Variants in ITFG1 observed in about 807,000 individuals in gnomAD.
ITFG1 encodes the protein integrin alpha FG-GAP repeat containing 1.
Under a neutral mutation model 81.8 loss-of-function variants are expected in ITFG1, and 34 were observed. That is an observed-to-expected ratio of 0.42 (90% CI 0.32 to 0.55). ITFG1 has a LOEUF of 0.55. Ranked by LOEUF, ITFG1 falls within the 20% of genes least tolerant of loss-of-function variation. The pLI is 0.17. For synonymous variants in ITFG1, 285 were observed against 270.6 expected (o/e 1.05, Z -0.52); for missense variants, 672 against 755.4 (o/e 0.89, Z 1.29).
At chr16:47,457,498 T>C (rs1399321134) in intron 2 of ITFG1, among the ~76,000 whole-genome samples, 1 of 152,098 alleles carries the variant, frequency 6.6e-6, no homozygotes, top group East Asian at 1.9e-4. Context: ...TTAAAAATGA[T>C]AATTCAAGAA....
intron 6 of ITFG1, among the ~76,000 whole-genome samples, chr16:47,398,635 A>G (rs901791051): frequency 8.5e-5 from 13 of 152,238 alleles, no homozygotes; most frequent in Non-Finnish European, 1.8e-4. Context: ...AAAATAAATT[A>G]GACACCAAAC....
intron 14 of ITFG1, among the ~76,000 whole-genome samples, chr16:47,175,533 C>T (rs1965014174): frequency 1.3e-5 from 2 of 152,070 alleles, no homozygotes; most frequent in Non-Finnish European, 2.9e-5. Context: ...TTATCATCAT[C>T]CAAGATTTTG....
At chr16:47,273,867 C>A (rs940185692) in intron 10 of ITFG1, among the ~76,000 whole-genome samples, 1 of 152,006 alleles carries the variant, frequency 6.6e-6, no homozygotes, top group Non-Finnish European at 1.5e-5. Context: ...GTGGTGTGAT[C>A]TTGGCTCACT....
intron 5 of ITFG1, among the ~76,000 whole-genome samples, chr16:47,438,661 C>A (rs759633816): frequency 2.0e-5 from 3 of 151,850 alleles, no homozygotes; most frequent in Admixed American, 2.0e-4. Context: ...ACAGAATGGA[C>A]ATCCACACAA....
intron 8 of ITFG1, among the ~76,000 whole-genome samples, chr16:47,320,725 C>T (rs1436778628): frequency 6.6e-6 from 1 of 152,012 alleles, no homozygotes; most frequent in African/African-American, 2.4e-5. Flanking sequence ...GTCCATTATC[C>T]CTATCTAGCC....
chr16:47,395,747 G>A (rs903822102), intron 6 of ITFG1, among the ~76,000 whole-genome samples: 2 of 152,178 alleles, frequency 1.3e-5, no homozygotes, highest in Non-Finnish European at 2.9e-5. Context: ...GTTTTTAAAT[G>A]GAGTTTCTCT....
chr16:47,366,407 A>G (rs1405057781), intron 7 of ITFG1, among the ~76,000 whole-genome samples: 2 of 152,198 alleles, frequency 1.3e-5, no homozygotes, highest in Admixed American at 6.5e-5. Context: ...TCAAGTTTAC[A>G]TATCAATGAG....
chr16:47,262,184 A>G (rs1966217124), intron 10 of ITFG1, among the ~76,000 whole-genome samples: 1 of 152,196 alleles, frequency 6.6e-6, no homozygotes, highest in Non-Finnish European at 1.5e-5. Flanking sequence ...AAAAATTCCA[A>G]AACAAATAGT....
At chr16:47,248,213 G>T (rs1342848044) in intron 12 of ITFG1, among the ~76,000 whole-genome samples, 1 of 152,164 alleles carries the variant, frequency 6.6e-6, no homozygotes, top group East Asian at 1.9e-4. Flanking sequence ...AGAGGTATCA[G>T]CTTTCATTGC....
Position 47,460,962 on chromosome 16 carries a change from C to G in ITFG1, c.84G>C (p.Pro28=), listed in dbSNP as rs547055384. ...LAGLALLGVG[P]VPARALHNVT... ...CGTTGTGCAGCGCCCGCGCTGGGAC[C>G]GGCCCGACTCCCAGTAGTGCAAGCC... is the stretch of plus-strand genomic sequence containing the variant. Residue 28 remains proline, a synonymous_variant, in exon 1 of 18, where the codon CCG becomes CCC. Transcript: ENST00000320640. 6.2e-7 allele frequency: 1 copy of G among 1,604,142 alleles called. No homozygotes were observed. The highest frequency in any genetic ancestry group is 1.7e-5 in the Admixed American group (1 of 58,788).
intron 14 of ITFG1, among the ~76,000 whole-genome samples, chr16:47,195,590 C>T (rs909150917): frequency 6.6e-6 from 1 of 152,188 alleles, no homozygotes; most frequent in Admixed American, 6.5e-5. Flanking sequence ...TATGTAGATA[C>T]AAGTTTCTGA....
chr16:47,291,831 A>T (rs1377529938), intron 10 of ITFG1, among the ~76,000 whole-genome samples: 1 of 151,794 alleles, frequency 6.6e-6, no homozygotes, highest in Non-Finnish European at 1.5e-5. Context: ...CCCCTTTGTG[A>T]ATTTCTTATC....
At chr16:47,348,834 GAA>G (rs1466026966) in intron 8 of ITFG1, among the ~76,000 whole-genome samples, 1 of 152,200 alleles carries the variant, frequency 6.6e-6, no homozygotes, top group South Asian at 2.1e-4. Flanking sequence ...CCCACAAAGG[GAA>G]GCCCATCAGA....
intron 12 of ITFG1, among the ~76,000 whole-genome samples, chr16:47,248,066 C>G (rs1165214066): frequency 1.4e-5 from 2 of 146,916 alleles, no homozygotes; most frequent in Non-Finnish European, 2.9e-5. Flanking sequence ...GTATTTTCAT[C>G]TAAAACTTAA....
intron 14 of ITFG1, among the ~76,000 whole-genome samples, chr16:47,215,531 G>C (rs2151525756): frequency 6.6e-6 from 1 of 152,184 alleles, no homozygotes; most frequent in East Asian, 1.9e-4. Flanking sequence ...ACGTTAGTTT[G>C]TTTATATATT....
At chr16:47,459,724 T>G (rs1969500841) in intron 1 of ITFG1, among the ~76,000 whole-genome samples, 1 of 152,210 alleles carries the variant, frequency 6.6e-6, no homozygotes, top group South Asian at 2.1e-4. Flanking sequence ...CAATTAGCAC[T>G]CATTGAGACA....
intron 8 of ITFG1, among the ~76,000 whole-genome samples, chr16:47,328,460 T>G (rs1045866577): frequency 2.6e-5 from 4 of 151,930 alleles, no homozygotes; most frequent in African/African-American, 9.7e-5. Context: ...ACCCTAAAAC[T>G]TAAAGTATAA....
In ITFG1 at chr16:47,427,141, C is replaced by A. The variant is rs140843644; in HGVS notation, c.655+1663G>T. ...ACAGATTTAGTGTGTCACAATTTTG[C>A]AACTCCTGTTGAAATAATGGGGCTG... is the stretch of plus-strand genomic sequence containing the variant. On this transcript the variant is annotated intron_variant, in intron 6 of 17. Transcript: ENST00000320640. Among the ~76,000 whole-genome samples the A allele has an allele frequency of 9.5e-3, 1,444 of 152,234 alleles. 10 individuals carry two copies. Among genetic ancestry groups the A allele is most frequent in the Non-Finnish European group, 0.016 (1,067 of 68,000 alleles).
chr16:47,184,296 C>T (rs1304504222), intron 14 of ITFG1, among the ~76,000 whole-genome samples: 3 of 151,984 alleles, frequency 2.0e-5, no homozygotes, highest in South Asian at 2.1e-4. Flanking sequence ...AGATACTCCT[C>T]GAGAAGAGCA....
Sources: allele counts gnomAD v4.1 joint callset (sites outside exome capture counted in the v4.1 genomes callset), GRCh38; gene constraint gnomAD v4.1.1; transcripts MANE v1.5; gene names NCBI Gene and HGNC (gene_info 2026-07-23, HGNC 2026-07-21).